The following CSMD1 variants were observed in gnomAD, a reference collection of about 807,000 sequenced individuals.
CSMD1 encodes CUB and Sushi multiple domains 1.
CSMD1 carries 213 observed loss-of-function variants against 417.5 expected under a neutral mutation model. That is an observed-to-expected ratio of 0.51 (90% CI 0.46 to 0.57). CSMD1 has a LOEUF of 0.57. CSMD1 is among the 20% of genes least tolerant of loss of function. CSMD1 has a pLI of 0.00. For synonymous variants in CSMD1, 2,862 were observed against 1,736.8 expected, an observed-to-expected ratio of 1.65 and a Z score of -16.11; for missense variants, 6,923 against 4,529.7, an observed-to-expected ratio of 1.53 and a Z score of -15.17.
intron 3 of CSMD1, among the ~76,000 whole-genome samples, chr8:4,042,993 G>A (rs1227423683): frequency 6.6e-6 from 1 of 151,810 alleles, no homozygotes; most frequent in Non-Finnish European, 1.5e-5. Flanking sequence ...TTAGCTGGGT[G>A]TGGTGACTTG....
At chr8:2,967,778 C>T (rs933438790) in intron 57 of CSMD1, among the ~76,000 whole-genome samples, 1 of 152,144 alleles carries the variant, frequency 6.6e-6, no homozygotes, top group Non-Finnish European at 1.5e-5. Context: ...CTTAAAAGAA[C>T]ATGGAAGAAA....
intron 3 of CSMD1, among the ~76,000 whole-genome samples, chr8:4,286,006 G>A (rs1197777779): frequency 6.6e-6 from 1 of 152,118 alleles, no homozygotes; most frequent in African/African-American, 2.4e-5. Flanking sequence ...CAGCAAGCAG[G>A]TTTGTAAAAA....
chr8:3,940,909 C>T (rs1810836423), intron 5 of CSMD1, among the ~76,000 whole-genome samples: 1 of 151,168 alleles, frequency 6.6e-6, no homozygotes, highest in South Asian at 2.1e-4. Context: ...ATTATGTCTA[C>T]ATTTAAAATA....
intron 54 of CSMD1, among the ~76,000 whole-genome samples, chr8:2,982,691 C>G (rs1239685326): frequency 6.6e-6 from 1 of 152,238 alleles, no homozygotes; most frequent in Non-Finnish European, 1.5e-5. Context: ...TGCTCACTAA[C>G]CAGTGTTTCC....
intron 7 of CSMD1, among the ~76,000 whole-genome samples, chr8:3,661,945 G>C (rs10481371): frequency 0.033 from 5,067 of 152,252 alleles, 232 homozygotes; most frequent in African/African-American, 0.096. Context: ...ATTGAGGGAA[G>C]AGAGAAAATG....
At chr8:4,593,702 A>G (rs1231521379) in intron 2 of CSMD1, among the ~76,000 whole-genome samples, 1 of 152,156 alleles carries the variant, frequency 6.6e-6, no homozygotes, top group Non-Finnish European at 1.5e-5. Context: ...ATAAGCACCA[A>G]TTGTATACCA....
chr8:3,127,549 T>C (rs1190663343), intron 41 of CSMD1: 4 of 152,182 alleles, frequency 2.6e-5, no homozygotes, highest in African/African-American at 9.7e-5. Flanking sequence ...CTATAGCCTA[T>C]TTTCTAAGAA....
intron 3 of CSMD1, among the ~76,000 whole-genome samples, chr8:4,049,966 T>G (rs1315911637): frequency 6.6e-6 from 1 of 152,214 alleles, no homozygotes; most frequent in Non-Finnish European, 1.5e-5. Context: ...AGGTGTCTCC[T>G]GGCTGGGGCA....
chr8:3,484,009 T>G (rs980155027), intron 11 of CSMD1, among the ~76,000 whole-genome samples: 10 of 152,306 alleles, frequency 6.6e-5, no homozygotes, highest in African/African-American at 2.4e-4. Flanking sequence ...ATCAATAGCT[T>G]TAATGTAATT....
At chr8:4,770,900 G>A (rs1038142424) in intron 1 of CSMD1, among the ~76,000 whole-genome samples, 1 of 152,056 alleles carries the variant, frequency 6.6e-6, no homozygotes, top group Non-Finnish European at 1.5e-5. Flanking sequence ...CCTTGACGAT[G>A]ATTTCCCATA....
chr8:4,364,398 T>A (rs150937280), intron 3 of CSMD1, among the ~76,000 whole-genome samples: 377 of 152,286 alleles, frequency 2.5e-3, no homozygotes, highest in Middle Eastern at 0.01. Flanking sequence ...TGTTATAGCT[T>A]CCATTATTGC....
chr8:4,101,288 C>T (rs1340723025), intron 3 of CSMD1, among the ~76,000 whole-genome samples: 1 of 152,192 alleles, frequency 6.6e-6, no homozygotes, highest in Non-Finnish European at 1.5e-5. Flanking sequence ...CTTCCAAACT[C>T]CCATGTTAAA....
chr8:3,637,590 C>G (rs1037227557), intron 7 of CSMD1, among the ~76,000 whole-genome samples: 2 of 152,058 alleles, frequency 1.3e-5, no homozygotes, highest in Non-Finnish European at 2.9e-5. Context: ...ATATTGACTA[C>G]TATTTTGTTA....
At chr8:3,201,589 G>GA in intron 32 of CSMD1, 23 bp downstream of exon 32, 2 of 1,444,592 alleles carry the variant, frequency 1.4e-6, no homozygotes, top group Non-Finnish European at 1.9e-6. Flanking sequence ...ACTAAATTAA[G>GA]GGCAAAATTC....
At chr8:3,013,419 G>A (rs1808569283) in intron 52 of CSMD1, among the ~76,000 whole-genome samples, 2 of 152,104 alleles carry the variant, frequency 1.3e-5, no homozygotes, top group South Asian at 4.1e-4. Flanking sequence ...AAATAGTTAT[G>A]AATGACTACT....
chr8:4,426,605 A>C (rs1026790072), intron 2 of CSMD1, among the ~76,000 whole-genome samples: 1 of 104,894 alleles, frequency 9.5e-6, no homozygotes, highest in Non-Finnish European at 1.9e-5. Flanking sequence ...TATATATACT[A>C]TAAATTATAT....
chr8:4,287,116 G>T (rs1412753203), intron 3 of CSMD1, among the ~76,000 whole-genome samples: 2 of 152,038 alleles, frequency 1.3e-5, no homozygotes, highest in Non-Finnish European at 2.9e-5. Context: ...AACAAACAAG[G>T]GTTCTTCAAC....
chr8:4,451,127 A>G (rs1450191720), intron 2 of CSMD1, among the ~76,000 whole-genome samples: 2 of 152,178 alleles, frequency 1.3e-5, no homozygotes, highest in Non-Finnish European at 2.9e-5. Flanking sequence ...CAAGAGATCC[A>G]GACTAGCCTG....
chr8:4,094,713 G>C (rs1345217398), intron 3 of CSMD1, among the ~76,000 whole-genome samples: 2 of 152,138 alleles, frequency 1.3e-5, no homozygotes, highest in African/African-American at 4.8e-5. Context: ...TAGAGAGACA[G>C]GGCAGTGGGG....
Sources: allele counts gnomAD v4.1 joint callset (sites outside exome capture counted in the v4.1 genomes callset), GRCh38; gene constraint gnomAD v4.1.1; transcripts MANE v1.5; gene names NCBI Gene and HGNC (gene_info 2026-07-23, HGNC 2026-07-21).